RABGAP1L: variants seen among roughly 807,000 people sequenced by gnomAD.
RABGAP1L encodes the protein rab GTPase-activating protein 1-like.
Under a neutral mutation model 137.7 loss-of-function variants are expected in RABGAP1L, and 63 were observed. The ratio of observed to expected loss-of-function variants is 0.46; its 90% CI spans 0.37 to 0.56. The LOEUF (loss-of-function observed/expected upper bound fraction) is 0.56, where lower values mean the gene tolerates loss of function less well. Among genes scored for constraint, RABGAP1L ranks in the 20% least tolerant of loss-of-function variants. The probability of loss-of-function intolerance (pLI) is 0.00; values close to 1 mark genes in which losing one functional copy is unlikely to be tolerated. For missense variants in RABGAP1L, 1,095 were observed against 1,244.0 expected, an observed-to-expected ratio of 0.88 and a Z score of 1.80; for synonymous variants, 431 against 433.7, an observed-to-expected ratio of 0.99 and a Z score of 0.08.
intron 13 of RABGAP1L, among the ~76,000 whole-genome samples, chr1:174,613,022 A>G (rs973507519): frequency 1.3e-5 from 2 of 151,398 alleles, no homozygotes; most frequent in African/African-American, 4.9e-5. Context: ...TAGATTCATT[A>G]ATTTTTTGAA....
At chr1:174,507,787 A>C (rs1661966311) in intron 13 of RABGAP1L, among the ~76,000 whole-genome samples, 1 of 152,138 alleles carries the variant, frequency 6.6e-6, no homozygotes, top group Admixed American at 6.5e-5. Context: ...AGATAATAAA[A>C]TATTGCTGAA....
At chr1:174,831,497 CA>C (rs1692110258) in intron 19 of RABGAP1L, among the ~76,000 whole-genome samples, 1 of 148,128 alleles carries the variant, frequency 6.8e-6, no homozygotes, top group Admixed American at 6.7e-5. Flanking sequence ...ATGAGAGAAC[CA>C]AACAAAAGCT....
At chr1:174,462,776 T>C (rs952277304) in intron 13 of RABGAP1L, among the ~76,000 whole-genome samples, 6 of 152,202 alleles carry the variant, frequency 3.9e-5, no homozygotes, top group African/African-American at 1.4e-4. Flanking sequence ...AGTGAAAACA[T>C]GTGATGTTTG....
intron 7 of RABGAP1L, among the ~76,000 whole-genome samples, chr1:174,265,364 T>A (rs1673971774): frequency 6.6e-6 from 1 of 152,160 alleles, no homozygotes; most frequent in Non-Finnish European, 1.5e-5. Flanking sequence ...TTTCTTGTTA[T>A]AATCATTTTT....
chr1:174,427,144 A>ATGTGTGTGTGTG (rs57986877), intron 13 of RABGAP1L, among the ~76,000 whole-genome samples: 99 of 144,678 alleles, frequency 6.8e-4, no homozygotes, highest in African/African-American at 2.4e-3. Context: ...CCGCATGTTT[A>ATGTGTGTGTGTG]TGTGTGTGTG....
At chr1:174,177,071 C>T (rs911788264) in intron 1 of RABGAP1L, among the ~76,000 whole-genome samples, 3 of 152,060 alleles carry the variant, frequency 2.0e-5, no homozygotes, top group African/African-American at 7.2e-5. Flanking sequence ...GTGAGACCCT[C>T]TCTCAAAACA....
At chr1:174,180,218 A>G (rs186369123) in intron 1 of RABGAP1L, among the ~76,000 whole-genome samples, 1 of 152,298 alleles carries the variant, frequency 6.6e-6, no homozygotes, top group Non-Finnish European at 1.5e-5. Flanking sequence ...GTGGCAGAGA[A>G]CTAGTAGTTC....
chr1:174,483,261 C>T (rs1659298458), intron 13 of RABGAP1L, among the ~76,000 whole-genome samples: 1 of 152,002 alleles, frequency 6.6e-6, no homozygotes, highest in Admixed American at 6.6e-5. Flanking sequence ...ATTAACCATC[C>T]CCACTTCTCT....
At chr1:174,810,148 C>T (rs1183504539) in intron 18 of RABGAP1L, among the ~76,000 whole-genome samples, 1 of 152,220 alleles carries the variant, frequency 6.6e-6, no homozygotes, top group Admixed American at 6.5e-5. Context: ...GAAGCAAACT[C>T]TAGCAAAAGA....
chr1:174,982,950 C>T, intron 24 of RABGAP1L, 45 bp downstream of exon 24: 2 of 1,538,334 alleles, frequency 1.3e-6, no homozygotes, highest in East Asian at 4.9e-5. Context: ...TTCAAAGTCA[C>T]ACAGGCTTGT....
chr1:174,619,431 A>C (rs1324309225), intron 13 of RABGAP1L, among the ~76,000 whole-genome samples: 1 of 152,260 alleles, frequency 6.6e-6, no homozygotes. Context: ...TCAGACTAAC[A>C]GCAGATCTCT....
At chr1:174,349,639 C>G (rs1442302787) in intron 11 of RABGAP1L, among the ~76,000 whole-genome samples, 1 of 134,452 alleles carries the variant, frequency 7.4e-6, no homozygotes, top group Non-Finnish European at 1.6e-5. Flanking sequence ...GGGGGGCTGA[C>G]CCCCCCACCT....
At chr1:174,920,122 A>G (rs1661556337) in intron 19 of RABGAP1L, among the ~76,000 whole-genome samples, 1 of 152,232 alleles carries the variant, frequency 6.6e-6, no homozygotes. Context: ...CTGTGACTCA[A>G]AACAGATCTA....
At chr1:174,310,165 T>C (rs1273922446) in intron 11 of RABGAP1L, among the ~76,000 whole-genome samples, 2 of 152,180 alleles carry the variant, frequency 1.3e-5, no homozygotes, top group Admixed American at 1.3e-4. Flanking sequence ...TCTATAACAG[T>C]ATTTTATGAT....
intron 19 of RABGAP1L, among the ~76,000 whole-genome samples, chr1:174,947,647 C>T (rs1388230966): frequency 4.0e-5 from 6 of 151,478 alleles, no homozygotes; most frequent in African/African-American, 9.7e-5. Flanking sequence ...CTCAAACTCC[C>T]GACCTCAGGT....
At chr1:174,248,667 G>A (rs1672464383) in intron 5 of RABGAP1L, among the ~76,000 whole-genome samples, 1 of 152,144 alleles carries the variant, frequency 6.6e-6, no homozygotes, top group Non-Finnish European at 1.5e-5. Flanking sequence ...GACTGTGTGT[G>A]CTTGTACAAG....
intron 19 of RABGAP1L, among the ~76,000 whole-genome samples, chr1:174,912,188 G>A (rs1660163139): frequency 6.6e-6 from 1 of 152,160 alleles, no homozygotes; most frequent in South Asian, 2.1e-4. Flanking sequence ...CACCCAGGCT[G>A]GAGTGCAGTG....
intron 13 of RABGAP1L, among the ~76,000 whole-genome samples, chr1:174,529,406 A>G (rs1432000786): frequency 6.6e-6 from 1 of 152,138 alleles, no homozygotes; most frequent in Non-Finnish European, 1.5e-5. Context: ...CTTTAATTGT[A>G]AACAACACCA....
At position 174,427,144 on chromosome 1, in the gene RABGAP1L, A is replaced by ATGTGTG. The variant is rs57986877; in HGVS notation, c.1710+33034_1710+33039dup. ...GTTTAACATAAACCTCCGCATGTTT[A>ATGTGTG]TGTGTGTGTGTGTGTGTGTGTGTGT... is the stretch of plus-strand genomic sequence containing the variant. On this transcript the variant is annotated intron_variant, in intron 13 of 25. Coordinates refer to ENST00000681986, the MANE Select transcript of RABGAP1L (RefSeq NM_001366446.1). Among the ~76,000 whole-genome samples, 275 of 144,682 alleles carry ATGTGTG rather than the reference A, an allele frequency of 1.9e-3. 1 individual carries two copies. The highest frequency in any genetic ancestry group is 5.5e-3 in the African/African-American group (213 of 39,000). The allele number at this position is 144,682 out of a possible 152,430, so 94.9% of individuals were successfully genotyped here. A position where few individuals can be genotyped will look rare whatever the true frequency, so the allele number is the denominator to read the frequency against.
Sources: allele counts gnomAD v4.1 joint callset (sites outside exome capture counted in the v4.1 genomes callset), GRCh38; gene constraint gnomAD v4.1.1; transcripts MANE v1.5; gene names NCBI Gene and HGNC (gene_info 2026-07-23, HGNC 2026-07-21).